Variants in SRPK2 observed in about 807,000 individuals in gnomAD.
SRPK2 encodes SFRS protein kinase 2.
A neutral mutation model predicts 90.8 loss-of-function variants in SRPK2; 21 were observed. The observed-to-expected ratio is 0.23, with a 90% CI of 0.16 to 0.33. The LOEUF (loss-of-function observed/expected upper bound fraction) is 0.33, where lower values mean the gene tolerates loss of function less well. Among genes scored for constraint, SRPK2 ranks in the 10% least tolerant of loss-of-function variants. The pLI is 1.00. For synonymous variants in SRPK2, 288 were observed against 311.1 expected (o/e 0.93, Z 0.78); for missense variants, 620 against 869.0 (o/e 0.71, Z 3.60).
rs1186999463 is a variant in SRPK2, at chr7:105,311,314, C to T, written c.71+77334G>A. ...ATGGCGCGATCTGGACTTACTGCAACTTCCACCTCCTGGGTTTAAGCAATT... is the reference window on the plus strand; with the variant it reads ...ATGGCGCGATCTGGACTTACTGCAATTTCCACCTCCTGGGTTTAAGCAATT... On this transcript the variant is annotated intron_variant, in intron 2 of 15. Coordinates refer to ENST00000393651, the MANE Select transcript of SRPK2 (RefSeq NM_182692.3). Among the ~76,000 whole-genome samples, 5 of 152,136 alleles carry T rather than the reference C, an allele frequency of 3.3e-5. No individual in the cohort carries two copies. The South Asian group carries it at 8.3e-4, about 25-fold the overall frequency.
chr7:105,141,740 G>A (rs1464344370), intron 11 of SRPK2, among the ~76,000 whole-genome samples: 1 of 152,174 alleles, frequency 6.6e-6, no homozygotes, highest in African/African-American at 2.4e-5. Flanking sequence ...AAAACTGGAA[G>A]GTTTTTGCAA....
At chr7:105,172,493 T>C (rs1791283305) in intron 3 of SRPK2, among the ~76,000 whole-genome samples, 1 of 152,198 alleles carries the variant, frequency 6.6e-6, no homozygotes, top group Non-Finnish European at 1.5e-5. Flanking sequence ...ATGCTGCATA[T>C]TCCTGACATA....
intron 2 of SRPK2, among the ~76,000 whole-genome samples, chr7:105,282,025 A>T (rs950822776): frequency 6.6e-6 from 1 of 152,200 alleles, no homozygotes; most frequent in African/African-American, 2.4e-5. Flanking sequence ...AAAAAGAAAA[A>T]GTTGGAGGAC....
At chr7:105,281,032 C>G (rs1807255467) in intron 2 of SRPK2, among the ~76,000 whole-genome samples, 1 of 143,714 alleles carries the variant, frequency 7.0e-6, no homozygotes, top group Non-Finnish European at 1.5e-5. Flanking sequence ...TCTCAACTTA[C>G]ATTAACTTTC....
rs574033008 is a variant in SRPK2 at position 105,168,847 on chromosome 7, G to T, written c.338+310C>A. On this transcript the variant is annotated intron_variant, in intron 4 of 15. Transcript: ENST00000393651. ...TTGAAAAGTTAAAAATGACTGATTT[G>T]AAACGCCTATACTATACATTATGTT... Among the ~76,000 whole-genome samples, 14 of 149,570 alleles carry T rather than the reference G, an allele frequency of 9.4e-5. No individual in the cohort carries two copies. In the South Asian group the frequency reaches 3.0e-3, roughly 32 times the overall value.
chr7:105,143,524 T>C, intron 9 of SRPK2, 194 bp from the exon 10 acceptor site: 1 of 672,270 alleles, frequency 1.5e-6, no homozygotes, highest in Non-Finnish European at 2.5e-6. Context: ...CTGACTGATA[T>C]CACGTACTAG....
At chr7:105,346,211 GGTAA>G (rs1816439036) in intron 2 of SRPK2, among the ~76,000 whole-genome samples, 4 of 152,120 alleles carry the variant, frequency 2.6e-5, no homozygotes, top group Admixed American at 2.0e-4. Flanking sequence ...AATTCCTGGA[GGTAA>G]GTATTTCATC....
chr7:105,287,277 A>G (rs1221042623), intron 2 of SRPK2, among the ~76,000 whole-genome samples: 14 of 137,418 alleles, frequency 1.0e-4, no homozygotes, highest in South Asian at 4.8e-4. Context: ...AAAAAAAAAA[A>G]AAAAAAAGAA....
chr7:105,367,767 T>C (rs1341440407), intron 2 of SRPK2, among the ~76,000 whole-genome samples: 2 of 152,188 alleles, frequency 1.3e-5, no homozygotes, highest in African/African-American at 4.8e-5. Flanking sequence ...TTTGTGTACA[T>C]TTCATGTTGG....
At chr7:105,204,551 C>T (rs1563079024) in intron 2 of SRPK2, 1 of 434,598 alleles carries the variant, frequency 2.3e-6, no homozygotes, top group African/African-American at 2.0e-5. Flanking sequence ...CACATCTCTC[C>T]CTTAAGCTAT....
chr7:105,167,494 C>T, intron 5 of SRPK2, 30 bp from the exon 6 acceptor site: 2 of 1,568,150 alleles, frequency 1.3e-6, no homozygotes, highest in South Asian at 1.1e-5. Flanking sequence ...TGCAAGAACA[C>T]AGGAGTTTGA....
intron 7 of SRPK2, among the ~76,000 whole-genome samples, chr7:105,154,223 G>A (rs1411189011): frequency 6.6e-6 from 1 of 152,210 alleles, no homozygotes; most frequent in African/African-American, 2.4e-5. Context: ...GCCCAGCACT[G>A]GGACTGCACA....
chr7:105,369,523 A>G (rs988770434), intron 2 of SRPK2, among the ~76,000 whole-genome samples: 6 of 152,152 alleles, frequency 3.9e-5, no homozygotes, highest in African/African-American at 7.2e-5. Context: ...GGTGCTCTGT[A>G]AAGTCCAGGC....
intron 2 of SRPK2, among the ~76,000 whole-genome samples, chr7:105,359,606 A>T (rs1378204861): frequency 6.6e-6 from 1 of 152,170 alleles, no homozygotes; most frequent in African/African-American, 2.4e-5. Context: ...TGCTGCTGCT[A>T]TGTCATCTTC....
intron 2 of SRPK2, among the ~76,000 whole-genome samples, chr7:105,350,922 T>G (rs994625009): frequency 6.6e-6 from 1 of 152,194 alleles, no homozygotes; most frequent in African/African-American, 2.4e-5. Context: ...AACCCTATAC[T>G]ACATTAAAGT....
intron 7 of SRPK2, among the ~76,000 whole-genome samples, chr7:105,154,214 C>G (rs549683068): frequency 1.3e-5 from 2 of 152,174 alleles, no homozygotes; most frequent in Non-Finnish European, 2.9e-5. Flanking sequence ...AGCTGCTGTG[C>G]CCAGCACTGG....
chr7:105,338,411 A>AT (rs1489884476), intron 2 of SRPK2, among the ~76,000 whole-genome samples: 1 of 152,054 alleles, frequency 6.6e-6, no homozygotes, highest in African/African-American at 2.4e-5. Context: ...CGGCTGACTG[A>AT]TTTTTTTGTA....
Position 105,142,315 on chromosome 7 carries a change from T to A in SRPK2, c.1236A>T (p.Glu412Asp), listed in dbSNP as rs536793006. Residue 412 changes from glutamate to aspartate, a missense_variant, in exon 11 of 16, where the codon GAA becomes GAT. By Grantham distance (45) the Glu-to-Asp change is conservative (BLOSUM62 2). This residue lies in a region of SRPK2 where 243 missense variants were observed against 245.7 expected (regional missense o/e 0.99). Transcript: ENST00000393651. ...TTGGGCAGTCTTCTTCATCATCATC[T>A]TCATCGTCCAGTTGCTGCTCCAGTG... is the stretch of plus-strand genomic sequence containing the variant. The part of the protein sequence containing the change: ...PFSLEQQLDD[E>D]DDDEEDCPNP... The A allele has an allele frequency of 5.5e-5, 88 of 1,614,208 alleles. No individual in the cohort carries two copies. The Admixed American group carries it at 7.8e-4, about 14-fold the overall frequency.
chr7:105,221,213 G>C (rs185224942), intron 2 of SRPK2, among the ~76,000 whole-genome samples: 61 of 152,240 alleles, frequency 4.0e-4, no homozygotes, highest in Non-Finnish European at 2.2e-4. Context: ...TGTATCTGCT[G>C]TTGCCATTAT....
Sources: allele counts gnomAD v4.1 joint callset (sites outside exome capture counted in the v4.1 genomes callset), GRCh38; gene constraint gnomAD v4.1.1; regional missense constraint gnomAD v4.1.1; transcripts MANE v1.5; gene names NCBI Gene and HGNC (gene_info 2026-07-23, HGNC 2026-07-21).